Variants in ST6GALNAC3 observed in about 807,000 individuals in gnomAD.
ST6GALNAC3 encodes alpha-N-acetylgalactosaminide alpha-2,6-sialyltransferase 3.
ST6GALNAC3 carries 25 observed loss-of-function variants against 32.7 expected under a neutral mutation model. The observed-to-expected ratio is 0.76, with a 90% CI of 0.56 to 1.07. ST6GALNAC3 has a LOEUF of 1.07. Ranked by LOEUF, ST6GALNAC3 falls within the 50% of genes least tolerant of loss-of-function variation. The pLI is 0.00. For synonymous variants in ST6GALNAC3, 129 were observed against 133.1 expected, an observed-to-expected ratio of 0.97 and a Z score of 0.21; for missense variants, 355 against 382.4, an observed-to-expected ratio of 0.93 and a Z score of 0.60.
intron 1 of ST6GALNAC3, among the ~76,000 whole-genome samples, chr1:76,121,570 G>A (rs1314559189): frequency 6.6e-6 from 1 of 152,114 alleles, no homozygotes. Context: ...CAAAAAATTA[G>A]CTGGGCATGG....
Position 76,446,239 on chromosome 1 carries a change from A to G in ST6GALNAC3, c.623+33822A>G, listed in dbSNP as rs138182585. Among the ~76,000 whole-genome samples, 250 of 152,298 alleles carry G rather than the reference A, an allele frequency of 1.6e-3. 1 individual carries two copies. Among genetic ancestry groups the G allele is most frequent in the Middle Eastern group, 6.8e-3 (2 of 294 alleles). Reference sequence around the variant, plus strand: ...TGAAAGGAAAGTACAGCATTATCCCATATACCCTTATCCCCACATGCATAG... The same window carrying G: ...TGAAAGGAAAGTACAGCATTATCCCGTATACCCTTATCCCCACATGCATAG... On this transcript the variant is annotated intron_variant, in intron 3 of 4. Coordinates refer to ENST00000328299, the MANE Select transcript of ST6GALNAC3 (RefSeq NM_152996.4).
At chr1:76,502,158 G>T (rs1285822279) in intron 3 of ST6GALNAC3, among the ~76,000 whole-genome samples, 1 of 152,168 alleles carries the variant, frequency 6.6e-6, no homozygotes, top group South Asian at 2.1e-4. Flanking sequence ...AGCTCACCCT[G>T]TTCCAGGGAT....
chr1:76,077,734 C>T (rs939440051), intron 1 of ST6GALNAC3, among the ~76,000 whole-genome samples: 4 of 152,182 alleles, frequency 2.6e-5, no homozygotes, highest in African/African-American at 9.7e-5. Context: ...GGACATTTCT[C>T]ATGGGAAATT....
At chr1:76,151,741 C>G (rs1338327460) in intron 1 of ST6GALNAC3, among the ~76,000 whole-genome samples, 1 of 152,140 alleles carries the variant, frequency 6.6e-6, no homozygotes, top group African/African-American at 2.4e-5. Flanking sequence ...CCCATGGGCA[C>G]TGTTACAATG....
intron 2 of ST6GALNAC3, among the ~76,000 whole-genome samples, chr1:76,345,306 T>C (rs1232999394): frequency 6.6e-6 from 1 of 151,296 alleles, no homozygotes; most frequent in African/African-American, 2.4e-5. Flanking sequence ...AGCAGAACAA[T>C]GGAATAGTAA....
intron 3 of ST6GALNAC3, among the ~76,000 whole-genome samples, chr1:76,519,009 T>C (rs1662346851): frequency 6.6e-6 from 1 of 152,130 alleles, no homozygotes; most frequent in African/African-American, 2.4e-5. Flanking sequence ...GAGGTTGCAG[T>C]GAGCCAAGAT....
chr1:76,494,680 C>CACACACACACACACA (rs1660741103), intron 3 of ST6GALNAC3, among the ~76,000 whole-genome samples: 1 of 137,954 alleles, frequency 7.2e-6, no homozygotes, highest in African/African-American at 2.8e-5. Context: ...CACACACACA[C>CACACACACACACACA]TTTCCCTACT....
chr1:76,236,428 G>A (rs981572601), intron 1 of ST6GALNAC3, among the ~76,000 whole-genome samples: 8 of 152,118 alleles, frequency 5.3e-5, no homozygotes, highest in African/African-American at 1.9e-4. Flanking sequence ...GCTATGTGAG[G>A]GTTTGCTCTA....
At chr1:76,092,430 T>C (rs1288491965) in intron 1 of ST6GALNAC3, among the ~76,000 whole-genome samples, 2 of 152,196 alleles carry the variant, frequency 1.3e-5, no homozygotes, top group African/African-American at 4.8e-5. Flanking sequence ...TTTCAAAAAA[T>C]AATAATGGCA....
chr1:76,400,509 G>A (rs1396991817), intron 2 of ST6GALNAC3, among the ~76,000 whole-genome samples: 1 of 152,154 alleles, frequency 6.6e-6, no homozygotes, highest in Non-Finnish European at 1.5e-5. Context: ...AAGTGGGCCT[G>A]CCTCTTCAGG....
chr1:76,567,955 G>C (rs1665646640), intron 3 of ST6GALNAC3, among the ~76,000 whole-genome samples: 1 of 152,152 alleles, frequency 6.6e-6, no homozygotes, highest in Admixed American at 6.6e-5. Flanking sequence ...AGTTGCATCT[G>C]TATGTTAAAA....
At chr1:76,473,272 A>G (rs554910960) in intron 3 of ST6GALNAC3, among the ~76,000 whole-genome samples, 2 of 152,282 alleles carry the variant, frequency 1.3e-5, no homozygotes, top group East Asian at 3.9e-4. Flanking sequence ...ACCCGATGAC[A>G]CTAGCCAGAA....
chr1:76,159,082 T>A (rs1651653569), intron 1 of ST6GALNAC3, among the ~76,000 whole-genome samples: 1 of 152,204 alleles, frequency 6.6e-6, no homozygotes, highest in Admixed American at 6.5e-5. Context: ...AGAGTGGAGA[T>A]GGGAAAGTAC....
chr1:76,324,583 C>T (rs1198806593), intron 2 of ST6GALNAC3, among the ~76,000 whole-genome samples: 1 of 152,144 alleles, frequency 6.6e-6, no homozygotes, highest in Non-Finnish European at 1.5e-5. Flanking sequence ...ATGACAACTC[C>T]TCTAAACTGT....
chr1:76,391,546 TCC>T (rs1161931945), intron 2 of ST6GALNAC3, among the ~76,000 whole-genome samples: 1 of 150,226 alleles, frequency 6.7e-6, no homozygotes, highest in Non-Finnish European at 1.5e-5. Flanking sequence ...CTTCCTTCCT[TCC>T]TTCCTTCCTT....
chr1:76,237,522 T>C (rs576736827), intron 1 of ST6GALNAC3, among the ~76,000 whole-genome samples: 12 of 152,278 alleles, frequency 7.9e-5, no homozygotes, highest in African/African-American at 2.9e-4. Context: ...GACATATACT[T>C]CCCTATATCA....
At chr1:76,459,719 T>C (rs539153054) in intron 3 of ST6GALNAC3, among the ~76,000 whole-genome samples, 7 of 152,326 alleles carry the variant, frequency 4.6e-5, no homozygotes, top group African/African-American at 1.4e-4. Flanking sequence ...ATTCTGGATA[T>C]TTCACATCAA....
At chr1:76,086,955 C>G (rs1646973281) in intron 1 of ST6GALNAC3, among the ~76,000 whole-genome samples, 1 of 152,194 alleles carries the variant, frequency 6.6e-6, no homozygotes, top group Non-Finnish European at 1.5e-5. Context: ...CCAGAACCAG[C>G]AAGTACCTGA....
chr1:76,126,532 T>A (rs1649262423), intron 1 of ST6GALNAC3, among the ~76,000 whole-genome samples: 1 of 152,118 alleles, frequency 6.6e-6, no homozygotes, highest in South Asian at 2.1e-4. Flanking sequence ...GATACTGTAC[T>A]TTTTTCTTTT....
Sources: gnomAD v4.1 joint callset for allele counts (sites outside exome capture counted in the v4.1 genomes callset) on GRCh38, gnomAD v4.1.1 for gene constraint, MANE v1.5 for transcripts, NCBI Gene and HGNC (gene_info 2026-07-23, HGNC 2026-07-21) for gene names.